The following RAPGEF5 variants were observed in gnomAD, a reference collection of about 807,000 sequenced individuals.
The protein encoded by RAPGEF5 is Rap guanine nucleotide exchange factor 5.
RAPGEF5 carries 65 observed loss-of-function variants against 125.2 expected under a neutral mutation model. That is an observed-to-expected ratio of 0.52 (90% CI 0.43 to 0.64). The LOEUF is 0.64. Among genes scored for constraint, RAPGEF5 ranks in the 30% least tolerant of loss-of-function variants. RAPGEF5 has a pLI of 0.00. For synonymous variants in RAPGEF5, 391 were observed against 385.9 expected (o/e 1.01, Z -0.16); for missense variants, 958 against 1,048.1 (o/e 0.91, Z 1.19).
chr7:22,224,765 C>T (rs1461586308), intron 8 of RAPGEF5, among the ~76,000 whole-genome samples: 2 of 152,084 alleles, frequency 1.3e-5, no homozygotes, highest in Non-Finnish European at 2.9e-5. Flanking sequence ...CTCAGCTAAG[C>T]TCCCACAGAC....
chr7:22,354,169 G>T (rs761844437), intron 1 of RAPGEF5, among the ~76,000 whole-genome samples: 1 of 152,228 alleles, frequency 6.6e-6, no homozygotes, highest in Non-Finnish European at 1.5e-5. Flanking sequence ...GTCAGTTGAT[G>T]TCAGATTGTC....
chr7:22,174,151 A>G (rs945685431), intron 11 of RAPGEF5, among the ~76,000 whole-genome samples: 1 of 152,118 alleles, frequency 6.6e-6, no homozygotes, highest in African/African-American at 2.4e-5. Flanking sequence ...CTAGATAAAT[A>G]CTACCTATTA....
chr7:22,231,422 C>G (rs1340043289), intron 7 of RAPGEF5, among the ~76,000 whole-genome samples: 1 of 152,176 alleles, frequency 6.6e-6, no homozygotes, highest in Non-Finnish European at 1.5e-5. Context: ...ATCTCCCTAT[C>G]CAAGCCCTTA....
intron 7 of RAPGEF5, among the ~76,000 whole-genome samples, chr7:22,249,983 A>C (rs1786576991): frequency 6.6e-6 from 1 of 152,258 alleles, no homozygotes; most frequent in African/African-American, 2.4e-5. Context: ...TGCTTTAGAA[A>C]AAACACAATT....
intron 1 of RAPGEF5, among the ~76,000 whole-genome samples, chr7:22,353,493 T>G (rs191865959): frequency 3.3e-5 from 5 of 152,318 alleles, no homozygotes; most frequent in Admixed American, 2.0e-4. Flanking sequence ...GAATTTTGTT[T>G]TAAAATGCAC....
chr7:22,243,011 C>A (rs1786379683), intron 7 of RAPGEF5, among the ~76,000 whole-genome samples: 1 of 148,624 alleles, frequency 6.7e-6, no homozygotes, highest in East Asian at 2.0e-4. Context: ...GAAACAACTA[C>A]AATATTGCTC....
At chr7:22,350,649 CT>C (rs1355893935) in intron 1 of RAPGEF5, among the ~76,000 whole-genome samples, 1 of 152,264 alleles carries the variant, frequency 6.6e-6, no homozygotes, top group East Asian at 1.9e-4. Context: ...CAGCCTGTGT[CT>C]TTTCCTGGGA....
rs143769715 is a variant in RAPGEF5 at position 22,350,143 on chromosome 7, T to A, written c.231+6687A>T. ...TCTATACTCCTAACAAAGATTGTTA[T>A]GCAGTATTGAGGCAAAAAAAAATCA... is the stretch of plus-strand genomic sequence containing the variant. On this transcript the variant is annotated intron_variant, in intron 1 of 25. Transcript: ENST00000665637. Among the ~76,000 whole-genome samples the A allele has an allele frequency of 5.1e-4, 76 of 147,884 alleles. No individual in the cohort carries two copies. In the East Asian group the frequency reaches 0.015, roughly 29 times the overall value.
At chr7:22,300,530 T>C (rs1783172878) in intron 5 of RAPGEF5, among the ~76,000 whole-genome samples, 1 of 152,244 alleles carries the variant, frequency 6.6e-6, no homozygotes, top group East Asian at 1.9e-4. Flanking sequence ...ATTTTGAACA[T>C]AATGCTATAC....
intron 8 of RAPGEF5, among the ~76,000 whole-genome samples, chr7:22,228,298 C>T (rs548235919): frequency 1.3e-5 from 2 of 152,148 alleles, no homozygotes; most frequent in African/African-American, 4.8e-5. Flanking sequence ...CCCTTACCGG[C>T]ACATCTATAA....
intron 14 of RAPGEF5, among the ~76,000 whole-genome samples, chr7:22,158,411 C>T (rs1164836966): frequency 2.6e-5 from 4 of 152,126 alleles, no homozygotes; most frequent in Non-Finnish European, 5.9e-5. Flanking sequence ...CCTCTGAAGG[C>T]CAGCTCCACT....
chr7:22,310,741 A>C (rs1192325998), intron 3 of RAPGEF5, among the ~76,000 whole-genome samples: 1 of 152,202 alleles, frequency 6.6e-6, no homozygotes, highest in Non-Finnish European at 1.5e-5. Context: ...TAATCTTTTT[A>C]ATATAATCAT....
intron 1 of RAPGEF5, among the ~76,000 whole-genome samples, chr7:22,338,056 G>A (rs1784057908): frequency 1.3e-5 from 2 of 152,224 alleles, no homozygotes; most frequent in Non-Finnish European, 2.9e-5. Context: ...TAATTGCTCA[G>A]TAAAAGTATT....
intron 12 of RAPGEF5, among the ~76,000 whole-genome samples, chr7:22,163,410 T>C (rs1228177994): frequency 6.6e-6 from 1 of 152,106 alleles, no homozygotes; most frequent in Non-Finnish European, 1.5e-5. Context: ...TATTGTTGAG[T>C]AGAAAAGCAA....
intron 7 of RAPGEF5, among the ~76,000 whole-genome samples, chr7:22,260,487 G>A (rs1398709029): frequency 2.4e-5 from 3 of 125,414 alleles, no homozygotes; most frequent in African/African-American, 6.1e-5. Context: ...TTTCATTAAA[G>A]AAAAAGACTG....
chr7:22,177,226 C>T (rs1355636050), intron 11 of RAPGEF5, among the ~76,000 whole-genome samples: 1 of 152,164 alleles, frequency 6.6e-6, no homozygotes, highest in Non-Finnish European at 1.5e-5. Context: ...AAGGCATCCT[C>T]CACACCCCAG....
chr7:22,126,317 C>A (rs984807062), intron 24 of RAPGEF5, among the ~76,000 whole-genome samples: 1 of 152,222 alleles, frequency 6.6e-6, no homozygotes, highest in East Asian at 1.9e-4. Context: ...CTCCATGAAG[C>A]CTTTCTGAGA....
In RAPGEF5 at chr7:22,150,475, C is replaced by G. The variant is rs550496694; in HGVS notation, c.1816G>C (p.Val606Leu). 19 of 1,565,218 alleles carry G rather than the reference C, an allele frequency of 1.2e-5. No individual in the cohort carries two copies. Among genetic ancestry groups the G allele is most frequent in the Non-Finnish European group, 1.6e-5 (18 of 1,159,296 alleles). ...EKHELQPNDL[V>L]ISKSLEASGR... ...GATGCCTCGAGGGATTTGGAGATGA[C>G]TAAGTCATTTGGCTGAAGTTCATGC... is the stretch of plus-strand genomic sequence containing the variant. The change falls in exon 18 of 26, where the codon GTC becomes CTC. Residue 606 changes from valine to leucine, a missense_variant. Val to Leu is a conservative substitution (Grantham distance 32). Transcript: ENST00000665637.
chr7:22,319,562 T>C (rs1300907379), intron 1 of RAPGEF5, among the ~76,000 whole-genome samples: 3 of 152,214 alleles, frequency 2.0e-5, no homozygotes, highest in Non-Finnish European at 4.4e-5. Flanking sequence ...TCTGGTCTTG[T>C]CTAAATATAC....
Sources: gnomAD v4.1 joint callset for allele counts (sites outside exome capture counted in the v4.1 genomes callset) on GRCh38, gnomAD v4.1.1 for gene constraint, MANE v1.5 for transcripts, NCBI Gene and HGNC (gene_info 2026-07-23, HGNC 2026-07-21) for gene names.